Variants in RANGAP1 observed in about 807,000 individuals in gnomAD.
RANGAP1 encodes the protein ran GTPase-activating protein 1.
RANGAP1 carries 38 observed loss-of-function variants against 63.5 expected under a neutral mutation model. The ratio of observed to expected loss-of-function variants is 0.60; its 90% confidence interval spans 0.46 to 0.78. The LOEUF (loss-of-function observed/expected upper bound fraction) is 0.78. Among genes scored for constraint, RANGAP1 ranks in the 30% least tolerant of loss-of-function variants. RANGAP1 has a pLI of 0.00. For missense variants in RANGAP1, 630 were observed against 740.3 expected (o/e 0.85, Z 1.73); for synonymous variants, 329 against 310.5 (o/e 1.06, Z -0.63).
rs1883858 is a variant in RANGAP1, at chr22:41,257,744, A to G, written c.774+204T>C. Among the ~76,000 whole-genome samples, 8,574 of 152,292 alleles carry G rather than the reference A, an allele frequency of 0.056. 943 individuals are homozygous for G. Among genetic ancestry groups the G allele is most frequent in the East Asian group, 0.44 (2,249 of 5,162 alleles). ...AGGAGAAGGTGGCATGAAGAATCAG[A>G]GCTGCCCGAGGAGGGCGTGGGTTAC... On this transcript the variant is annotated intron_variant, in intron 7 of 15. Transcript: ENST00000356244. The surrounding 1 kb of genome is among the most constrained non-coding windows in gnomAD (Gnocchi z 4.0).
upstream of RANGAP1, among the ~76,000 whole-genome samples, chr22:41,290,155 AAAAAGAG>A (rs2035821395): frequency 6.6e-6 from 1 of 150,914 alleles, no homozygotes; most frequent in Non-Finnish European, 1.5e-5. Flanking sequence ...AAGAAAAAAA[AAAAAGAG>A]AGAGAGAGAG....
At position 41,257,470 on chromosome 22, in the gene RANGAP1, C is replaced by G. The variant is rs1475892301; in HGVS notation, c.774+478G>C. 6.6e-6 allele frequency among the ~76,000 whole-genome samples: 1 copy of G among 152,196 alleles called. No individual in the cohort carries two copies. Among genetic ancestry groups the G allele is most frequent in the African/African-American group, 2.4e-5 (1 of 41,450 alleles). On this transcript the variant is annotated intron_variant, in intron 7 of 15. Transcript: ENST00000356244. The surrounding 1 kb of genome is among the most constrained non-coding windows in gnomAD (Gnocchi z 4.0). ...GGGGACTCAAAAAACAGCTGCTGGG[C>G]CAGGCACAGTGGCCTGCACCTGTAA...
At chr22:41,264,948 G>T in intron 4 of RANGAP1, 105 bp from the exon 5 acceptor site, 1 of 1,198,840 alleles carries the variant, frequency 8.3e-7, no homozygotes, top group Non-Finnish European at 1.2e-6. Flanking sequence ...CACCCCGGCT[G>T]GTGCAGAACC....
upstream of RANGAP1, among the ~76,000 whole-genome samples, chr22:41,288,253 G>T (rs2035796930): frequency 6.6e-6 from 1 of 152,116 alleles, no homozygotes. Flanking sequence ...CCTCCTGCAG[G>T]TGCCCACAGC....
intron 4 of RANGAP1, among the ~76,000 whole-genome samples, chr22:41,267,264 G>A (rs1454286383): frequency 6.6e-6 from 1 of 152,154 alleles, no homozygotes; most frequent in African/African-American, 2.4e-5. Context: ...CAGCTACTTG[G>A]GAGGCTGATG....
intron 14 of RANGAP1, 129 bp downstream of exon 14, chr22:41,249,600 G>A (rs1023614561): frequency 7.2e-6 from 11 of 1,523,888 alleles, no homozygotes; most frequent in Middle Eastern, 1.7e-4. Context: ...GGCAGACCCA[G>A]GCCTCGGGGC....
At chr22:41,253,393 T>C (rs944023253) in intron 11 of RANGAP1, among the ~76,000 whole-genome samples, 3 of 152,208 alleles carry the variant, frequency 2.0e-5, no homozygotes, top group Admixed American at 2.0e-4. Flanking sequence ...AAAAACTGAA[T>C]TGAGGCGAAC....
the RANGAP1 span, among the ~76,000 whole-genome samples, chr22:41,298,417 C>T: frequency 9.2e-5 from 14 of 152,176 alleles, no homozygotes; most frequent in African/African-American, 2.6e-4. Flanking sequence ...CAGGTTCAAG[C>T]GATTCTCCTG....
chr22:41,249,490 G>T, intron 14 of RANGAP1, 39 bp from the exon 15 acceptor site: 1 of 1,512,610 alleles, frequency 6.6e-7, no homozygotes, highest in Non-Finnish European at 8.8e-7. Flanking sequence ...GAGCTTCAAA[G>T]TCACCTGGGG....
At chr22:41,286,624 T>C (rs1018017487), upstream of RANGAP1, among the ~76,000 whole-genome samples, 16 of 152,324 alleles carry the variant, frequency 1.1e-4, no homozygotes, top group Admixed American at 4.6e-4. Context: ...AAAGACTCTT[T>C]TCCGTCCCAT....
At chr22:41,282,281 C>G (rs1013424567) in intron 1 of RANGAP1, 1 of 152,188 alleles carries the variant, frequency 6.6e-6, no homozygotes, top group Non-Finnish European at 1.5e-5. Context: ...GCCTGGGCAA[C>G]AGCGGGAGGC....
chr22:41,249,685 C>A (rs1379487095), intron 14 of RANGAP1, 44 bp downstream of exon 14: 1 of 1,581,230 alleles, frequency 6.3e-7, no homozygotes, highest in Non-Finnish European at 8.7e-7. Flanking sequence ...CTGTGCAGAC[C>A]CCACCCACCT....
At chr22:41,280,791 G>A in intron 2 of RANGAP1, 142 bp downstream of exon 2, 1 of 1,526,654 alleles carries the variant, frequency 6.6e-7, no homozygotes, top group East Asian at 2.4e-5. Flanking sequence ...CTCATTGTTA[G>A]AATAGGCCCA....
chr22:41,276,336 T>A (rs2035142820), intron 2 of RANGAP1, among the ~76,000 whole-genome samples: 1 of 152,116 alleles, frequency 6.6e-6, no homozygotes, highest in Non-Finnish European at 1.5e-5. Flanking sequence ...TATAATATAA[T>A]CCCAATTAAA....
intron 2 of RANGAP1, among the ~76,000 whole-genome samples, chr22:41,279,767 A>C (rs1413014268): frequency 1.4e-5 from 2 of 144,494 alleles, no homozygotes; most frequent in African/African-American, 5.2e-5. Flanking sequence ...GCACCACTAC[A>C]CTCCAGCCTG....
At chr22:41,299,858 TCTCCTGTCTCAGC>T in the RANGAP1 span, among the ~76,000 whole-genome samples, 76 of 151,980 alleles carry the variant, frequency 5.0e-4, no homozygotes, top group African/African-American at 1.8e-3. Context: ...TTCACGCCAT[TCTCCTGTCTCAGC>T]CTCCTGTGTA....
intron 6 of RANGAP1, among the ~76,000 whole-genome samples, chr22:41,259,206 G>A (rs1324432659): frequency 6.6e-6 from 1 of 152,100 alleles, no homozygotes; most frequent in African/African-American, 2.4e-5. Flanking sequence ...TCTCCACTGT[G>A]ACCCAGGACT....
chr22:41,298,463 T>A, the RANGAP1 span, among the ~76,000 whole-genome samples: 1 of 151,960 alleles, frequency 6.6e-6, no homozygotes, highest in South Asian at 2.1e-4. Flanking sequence ...TACAGGTGCG[T>A]GCCACCACAC....
chr22:41,285,833 TC>T, intron 1 of RANGAP1, 152 bp downstream of exon 1: 2 of 506,490 alleles, frequency 3.9e-6, no homozygotes, highest in Non-Finnish European at 5.1e-6. Context: ...ACAACCCCAC[TC>T]CCACCGCCAC....
Sources: allele counts gnomAD v4.1 joint callset (sites outside exome capture counted in the v4.1 genomes callset), GRCh38; gene constraint gnomAD v4.1.1; non-coding constraint Gnocchi (gnomAD v3.1); transcripts MANE v1.5; gene names NCBI Gene and HGNC (gene_info 2026-07-23, HGNC 2026-07-21).